TRIM49B: variants seen among roughly 807,000 people sequenced by gnomAD.
TRIM49B encodes tripartite motif containing 49B, also known as putative tripartite motif-containing protein 49B.
A neutral mutation model predicts 31.8 loss-of-function variants in TRIM49B; 18 were observed. The observed-to-expected ratio is 0.57, with a 90% CI of 0.39 to 0.84. The LOEUF is 0.84. Ranked by LOEUF, TRIM49B falls within the 40% of genes least tolerant of loss-of-function variation. The pLI, the probability that TRIM49B is intolerant of heterozygous loss-of-function variation, is 0.00. For missense variants in TRIM49B, 494 were observed against 538.7 expected (o/e 0.92, Z 0.82); for synonymous variants, 196 against 180.6 (o/e 1.09, Z -0.68).
At chr11:49,029,882 A>G (rs955511977) in intron 1 of TRIM49B, among the ~76,000 whole-genome samples, 1 of 152,186 alleles carries the variant, frequency 6.6e-6, no homozygotes. Flanking sequence ...ATACACAAAT[A>G]GTTATCATTG....
chr11:49,036,235 A>G (rs1295641134), intron 5 of TRIM49B, 66 bp from the exon 6 acceptor site: 9 of 1,600,302 alleles, frequency 5.6e-6, no homozygotes, highest in Middle Eastern at 2.3e-4. Flanking sequence ...TGTCTTTTAC[A>G]TACAAATAGT....
intron 5 of TRIM49B, 84 bp downstream of exon 5, chr11:49,035,201 G>T: frequency 3.2e-6 from 5 of 1,576,770 alleles, no homozygotes; most frequent in South Asian, 2.3e-5. Context: ...ATGGCATAAA[G>T]TCATGGCATA....
intron 4 of TRIM49B, among the ~76,000 whole-genome samples, 171 bp from the exon 5 acceptor site, chr11:49,034,924 C>A (rs1041965614): frequency 9.2e-5 from 14 of 152,164 alleles, no homozygotes; most frequent in Non-Finnish European, 2.9e-5. Flanking sequence ...AATAACAATA[C>A]AACTGACTGG....
chr11:49,030,541 T>G (rs1463226654), intron 1 of TRIM49B, among the ~76,000 whole-genome samples: 3 of 152,066 alleles, frequency 2.0e-5, no homozygotes, highest in Non-Finnish European at 4.4e-5. Flanking sequence ...AGCTCAAGTC[T>G]GAAAGCTTCA....
At chr11:49,035,485 G>A (rs1357654992) in intron 5 of TRIM49B, among the ~76,000 whole-genome samples, 3 of 150,244 alleles carry the variant, frequency 2.0e-5, no homozygotes, top group African/African-American at 7.3e-5. Flanking sequence ...TCAGCCTCCC[G>A]AGTACCGGGG....
Position 49,031,674 on chromosome 11 carries a change from G to A in TRIM49B, c.75G>A (p.Pro25=), listed in dbSNP as rs543393929. The A allele has an allele frequency of 5.8e-5, 94 of 1,613,874 alleles. No homozygotes were observed. The highest frequency in any genetic ancestry group is 1.1e-4 in the South Asian group (10 of 91,056). ...TCTGCATGAACTACTTCATAGACCCGGTCACCATAGACTGTGGGCACAGCT... is the reference window on the plus strand; with the variant it reads ...TCTGCATGAACTACTTCATAGACCCAGTCACCATAGACTGTGGGCACAGCT... ...CPICMNYFID[P]VTIDCGHSFC... The change falls in exon 2 of 7, where the codon CCG becomes CCA. Residue 25 remains proline (P), a synonymous_variant. Coordinates refer to ENST00000332682, the MANE Select transcript of TRIM49B (RefSeq NM_001206626.2).
chr11:49,033,076 A>G (rs1245461773), intron 3 of TRIM49B, among the ~76,000 whole-genome samples: 1 of 152,172 alleles, frequency 6.6e-6, no homozygotes, highest in Non-Finnish European at 1.5e-5. Flanking sequence ...TAGTTTGTTG[A>G]AAAGCATTTC....
intron 1 of TRIM49B, among the ~76,000 whole-genome samples, chr11:49,030,658 G>A (rs983316426): frequency 1.3e-5 from 2 of 152,008 alleles, no homozygotes; most frequent in Admixed American, 6.6e-5. Context: ...TGAGAGATGA[G>A]GCTCCCACTC....
In TRIM49B at chr11:49,031,186, A is replaced by C. The variant is rs1268353013; in HGVS notation, c.-4-410A>C. Among the ~76,000 whole-genome samples the C allele has an allele frequency of 2.6e-5, 4 of 151,102 alleles. No homozygotes were observed. The South Asian group carries it at 6.3e-4, about 24-fold the overall frequency. On this transcript the variant is annotated intron_variant, in intron 1 of 6. Transcript: ENST00000332682. ...ACCATCTTCTCATATTTCTTTGGCC[A>C]TCTTCTCATATTTCTTTGGCCCAGG...
At chr11:49,032,254 T>C in intron 2 of TRIM49B, 22 bp from the exon 3 acceptor site, 2 of 1,612,762 alleles carry the variant, frequency 1.2e-6, no homozygotes, top group Non-Finnish European at 1.7e-6. Context: ...CACTGGTGCT[T>C]CAATTTATGG....
intron 3 of TRIM49B, among the ~76,000 whole-genome samples, chr11:49,033,383 G>A (rs902013906): frequency 1.3e-5 from 2 of 152,100 alleles, no homozygotes; most frequent in Non-Finnish European, 2.9e-5. Context: ...AAGTTTTGAA[G>A]AGGAGGGGGA....
rs755718992 is a variant in TRIM49B at position 49,034,351 on chromosome 11, A to G, written c.713A>G (p.His238Arg). Residue 238 changes from histidine (H) to arginine (R), a missense_variant, in exon 4 of 7, where the codon CAT (histidine) becomes CGT (arginine). Around this residue, in one of 3 missense-constraint regions of TRIM49B, gnomAD observed 233 missense variants for 281.4 expected, o/e 0.83. Coordinates refer to ENST00000332682, the MANE Select transcript of TRIM49B (RefSeq NM_001206626.2). ...TATGAGGAGCTGAACGAAATGTGCC[A>G]TAAACCAGATGTGGAGCTACTTCAG... The part of the protein sequence containing the change: ...GMYEELNEMC[H>R]KPDVELLQAF... 2 of 1,612,020 alleles carry G rather than the reference A, an allele frequency of 1.2e-6. No homozygotes were observed. The highest frequency in any genetic ancestry group is 1.7e-6 in the Non-Finnish European group (2 of 1,179,834).
chr11:49,035,158 T>C lies in TRIM49B; in HGVS notation c.761+41T>C, dbSNP rs779883122. On this transcript the variant is annotated intron_variant, in intron 5 of 6. Transcript: ENST00000332682. ...GATTTTAGCATATGTTCTTTAAGATTCCACGACTATCAAAGCAGGCTTTAT... is the reference window on the plus strand; with the variant it reads ...GATTTTAGCATATGTTCTTTAAGATCCCACGACTATCAAAGCAGGCTTTAT... 1.1e-5 allele frequency: 18 copies of C among 1,608,978 alleles called. No homozygotes were observed. In the Admixed American group the frequency reaches 3.0e-4, roughly 27 times the overall value.
At chr11:49,033,873 A>G (rs1854485485) in intron 3 of TRIM49B, among the ~76,000 whole-genome samples, 1 of 152,192 alleles carries the variant, frequency 6.6e-6, no homozygotes, top group Non-Finnish European at 1.5e-5. Flanking sequence ...TTTTCCATAA[A>G]TATGGGTTGG....
chr11:49,031,478 G>T, intron 1 of TRIM49B, 118 bp from the exon 2 acceptor site: 5 of 1,504,804 alleles, frequency 3.3e-6, no homozygotes, highest in Non-Finnish European at 4.4e-6. Context: ...GAAATAGTTT[G>T]TTGTACTTTA....
At chr11:49,036,174 G>A in intron 5 of TRIM49B, 127 bp from the exon 6 acceptor site, 2 of 1,514,422 alleles carry the variant, frequency 1.3e-6, no homozygotes, top group Non-Finnish European at 1.8e-6. Flanking sequence ...GCAAAAGGAA[G>A]GAATAATTTT....
At chr11:49,031,498 G>A in intron 1 of TRIM49B, 98 bp from the exon 2 acceptor site, 1 of 1,539,196 alleles carries the variant, frequency 6.5e-7, no homozygotes, top group Non-Finnish European at 8.7e-7. Context: ...AATGAACACT[G>A]TCAAGAGAAG....
chr11:49,037,467 T>G lies in TRIM49B; in HGVS notation c.860-11T>G. On this transcript the variant is annotated splice_polypyrimidine_tract_variant and intron_variant, in intron 6 of 6. Coordinates refer to ENST00000332682, the MANE Select transcript of TRIM49B (RefSeq NM_001206626.2). Reference sequence around the variant, plus strand: ...TTACACGTCTATGCATGTTTTCTCTTTTTTTTGCAGTGCATATTACTCTGC... The same window carrying G: ...TTACACGTCTATGCATGTTTTCTCTGTTTTTTGCAGTGCATATTACTCTGC... 3.1e-6 allele frequency: 5 copies of G among 1,606,640 alleles called. No individual in the cohort carries two copies. Among genetic ancestry groups the G allele is most frequent in the Non-Finnish European group, 4.2e-6 (5 of 1,177,576 alleles).
intron 6 of TRIM49B, among the ~76,000 whole-genome samples, 196 bp from the exon 7 acceptor site, chr11:49,037,282 A>T (rs3759065): frequency 1.6e-4 from 1 of 6,350 alleles, no homozygotes; most frequent in East Asian, 1.2e-3. Flanking sequence ...CTCAATATGT[A>T]AGTTTTCAAA....
Sources: allele counts gnomAD v4.1 joint callset (sites outside exome capture counted in the v4.1 genomes callset), GRCh38; gene constraint gnomAD v4.1.1; regional missense constraint gnomAD v4.1.1; transcripts MANE v1.5; gene names NCBI Gene and HGNC (gene_info 2026-07-23, HGNC 2026-07-21).